MANSC4: variants seen among roughly 807,000 people sequenced by gnomAD.
MANSC4 encodes MANSC domain containing 4, also known as MANSC domain-containing protein 4.
Under a neutral mutation model 11.4 loss-of-function variants are expected in MANSC4, and 11 were observed. The observed-to-expected ratio is 0.97, with a 90% CI of 0.61 to 1.60. The LOEUF is 1.60. MANSC4 is among the 40% of genes most tolerant of loss of function. MANSC4 has a pLI of 0.00. For synonymous variants in MANSC4, 123 were observed against 147.1 expected, an observed-to-expected ratio of 0.84 and a Z score of 1.19; for missense variants, 354 against 404.6, an observed-to-expected ratio of 0.88 and a Z score of 1.07.
intron 2 of MANSC4, 120 bp from the exon 3 acceptor site, chr12:27,766,919 T>A: frequency 2.0e-6 from 2 of 999,310 alleles, no homozygotes; most frequent in South Asian, 1.7e-5. Context: ...TTCAGGGCAA[T>A]ATGCAGACAT....
intron 2 of MANSC4, 135 bp downstream of exon 2, chr12:27,770,913 C>G (rs1394128496): frequency 1.6e-6 from 1 of 638,476 alleles, no homozygotes; most frequent in African/African-American, 1.8e-5. Flanking sequence ...ACCTCTCCCT[C>G]TCTCTCCCAC....
chr12:27,765,153 G>T (rs973350953), intron 3 of MANSC4, among the ~76,000 whole-genome samples: 1 of 152,144 alleles, frequency 6.6e-6, no homozygotes, highest in African/African-American at 2.4e-5. Context: ...AGTGATTTTT[G>T]ACTCCACTCA....
intron 2 of MANSC4, among the ~76,000 whole-genome samples, chr12:27,767,972 G>A (rs2062080722): frequency 6.6e-6 from 1 of 152,206 alleles, no homozygotes; most frequent in Non-Finnish European, 1.5e-5. Context: ...ACATCCAAGG[G>A]AAAGCCTAAT....
chr12:27,770,953 A>C (rs1025067886), intron 2 of MANSC4, 95 bp downstream of exon 2: 1 of 885,392 alleles, frequency 1.1e-6, no homozygotes, highest in South Asian at 1.8e-5. Context: ...AGTTCTTTAC[A>C]ACTGTTTACT....
intron 1 of MANSC4, among the ~76,000 whole-genome samples, chr12:27,772,879 C>T (rs1335093943): frequency 6.6e-6 from 1 of 152,172 alleles, no homozygotes; most frequent in African/African-American, 2.4e-5. Context: ...ACTCTCTAAT[C>T]TTATAATCTT....
intron 1 of MANSC4, among the ~76,000 whole-genome samples, chr12:27,777,027 AT>A (rs2062121796): frequency 6.6e-6 from 1 of 152,200 alleles, no homozygotes; most frequent in African/African-American, 2.4e-5. Context: ...TATTAAAATG[AT>A]TTGATCATTT....
intron 2 of MANSC4, among the ~76,000 whole-genome samples, chr12:27,770,829 T>C (rs2140801967): frequency 6.6e-6 from 1 of 152,336 alleles, no homozygotes; most frequent in South Asian, 2.1e-4. Flanking sequence ...GCTATCAAAT[T>C]CTGGGTCATT....
In MANSC4 at chr12:27,771,330, G is replaced by T; in HGVS notation, c.-54C>A. On this transcript the variant is annotated 5_prime_UTR_variant, in exon 2 of 4. Coordinates refer to ENST00000381273, the MANE Select transcript of MANSC4 (RefSeq NM_001146221.5). ...TAAGTCTGATTTCCAGACAGAAGCT[G>T]AACACTGGAGTTTAGGACAGTCTCT... The T allele has an allele frequency of 1.4e-6, 2 of 1,457,516 alleles. No individual in the cohort carries two copies. The highest frequency in any genetic ancestry group is 2.6e-5 in the South Asian group (2 of 77,522). 90.3% of individuals were successfully genotyped at this position (1,457,516 alleles called of 1,614,324 possible).
intron 2 of MANSC4, among the ~76,000 whole-genome samples, chr12:27,770,259 C>A (rs1245226075): frequency 6.6e-6 from 1 of 152,138 alleles, no homozygotes; most frequent in East Asian, 1.9e-4. Context: ...CGGCTCACTG[C>A]AACCTCTGCC....
chr12:27,763,338 A>T lies in MANSC4; in HGVS notation c.423T>A (p.Ser141=). The change falls in exon 4 of 4, where the codon TCT becomes TCA. Residue 141 remains serine, a synonymous_variant. Transcript: ENST00000381273. Reference sequence around the variant, plus strand: ...TTAGTCTGTCCCATCTATTGGATGAAGAACGAGTATTTAGATATGTGGGAG... The same window carrying T: ...TTAGTCTGTCCCATCTATTGGATGATGAACGAGTATTTAGATATGTGGGAG... ...EQSPTYLNTR[S]SSNRWDRLRI... The T allele has an allele frequency of 1.3e-6, 2 of 1,551,896 alleles. No homozygotes were observed. The highest frequency in any genetic ancestry group is 1.2e-5 in the South Asian group (1 of 84,046).
chr12:27,762,558 C>T lies in MANSC4; in HGVS notation c.*180G>A, dbSNP rs2062051517. Among the ~76,000 whole-genome samples, 2 of 151,780 alleles carry T rather than the reference C, an allele frequency of 1.3e-5. No homozygotes were observed. Among genetic ancestry groups the T allele is most frequent in the Non-Finnish European group, 2.9e-5 (2 of 67,958 alleles). The stretch of plus-strand genomic sequence containing the variant: ...TAGAGACAGAGTCTCACTATGTTGC[C>T]CAGGCTGGTCTCGAACTCCTGGGCT... On this transcript the variant is annotated 3_prime_UTR_variant, in exon 4 of 4. Coordinates refer to ENST00000381273, the MANE Select transcript of MANSC4 (RefSeq NM_001146221.5).
rs551833224 is a variant in MANSC4 at position 27,772,953 on chromosome 12, G to A, written c.-306-1371C>T. 1.2e-4 allele frequency among the ~76,000 whole-genome samples: 19 copies of A among 152,248 alleles called. No individual in the cohort carries two copies. The East Asian group carries it at 1.7e-3, about 14-fold the overall frequency. On this transcript the variant is annotated intron_variant, in intron 1 of 3. Transcript: ENST00000381273. ...TGCTATATAATTCTTTGAAGTTCTC[G>A]TATTCCTTTCAGGGATAATGGAACA...
rs1287320111 is a variant in MANSC4, at chr12:27,771,075, T to G, written c.202A>C (p.Ser68Arg). ...YYSESTGQKC[S>R]RSCCLRKDVS... ...TCCTTCCGAAGACAGCAGCTCCTAC[T>G]GCACTTCTGGCCAGTGCTTTCAGAA... The change falls in exon 2 of 4, where the codon AGT becomes CGT. Residue 68 changes from serine to arginine, a missense_variant. Physicochemically the swap from Ser to Arg is moderately radical, Grantham distance 110. Coordinates refer to ENST00000381273, the MANE Select transcript of MANSC4 (RefSeq NM_001146221.5). 1 of 1,551,556 alleles carries G rather than the reference T, an allele frequency of 6.4e-7. No homozygotes were observed.
Position 27,763,174 on chromosome 12 carries a change from GT to G in MANSC4, c.586del (p.Thr196ProfsTer11), listed in dbSNP as rs753033633. 6.4e-7 allele frequency: 1 copy of G among 1,551,682 alleles called. No individual in the cohort carries two copies. Among genetic ancestry groups the G allele is most frequent in the South Asian group, 1.2e-5 (1 of 84,052 alleles). ...TNSTSYSKEL[T>X]TDFWARFTSL... ...AGTAAATCTTGCCCAAAAATCTGTG[GT>G]TAATTCCTTAGAATAACTGGTACTG... On this transcript the variant is annotated frameshift_variant, in exon 4 of 4. Coordinates refer to ENST00000381273, the MANE Select transcript of MANSC4 (RefSeq NM_001146221.5). LOFTEE classifies it low-confidence loss of function (END_TRUNC).
chr12:27,772,253 T>G (rs1441889221), intron 1 of MANSC4, among the ~76,000 whole-genome samples: 2 of 152,218 alleles, frequency 1.3e-5, no homozygotes, highest in Non-Finnish European at 2.9e-5. Context: ...ATAAAACTGT[T>G]GCTTTTTTGT....
chr12:27,778,241 T>G (rs1433100098), intron 1 of MANSC4, among the ~76,000 whole-genome samples: 1 of 136,740 alleles, frequency 7.3e-6, no homozygotes, highest in South Asian at 2.3e-4. Context: ...AAAAAAAAAA[T>G]GCATTTTTTT....
At position 27,780,027 on chromosome 12, in the gene MANSC4, G is replaced by C. The variant is rs1320582655; in HGVS notation, c.-307+183C>G. On this transcript the variant is annotated intron_variant, in intron 1 of 3. Coordinates refer to ENST00000381273, the MANE Select transcript of MANSC4 (RefSeq NM_001146221.5). This position sits in a 1 kb window ranked among gnomAD's most constrained non-coding sequence, Gnocchi z 8.8. ...CGGCGGGGGAGGAGGCTGCTGGCTG[G>C]GAGCTGGAATTCCCTTCCCGCCTGG... 1 of 154,064 alleles carries C rather than the reference G, an allele frequency of 6.5e-6. No individual in the cohort carries two copies. Among genetic ancestry groups the C allele is most frequent in the African/African-American group, 2.4e-5 (1 of 41,420 alleles). The allele number at this position is 154,064 out of a possible 1,614,324, so 9.5% of individuals were successfully genotyped here.
intron 1 of MANSC4, among the ~76,000 whole-genome samples, chr12:27,772,847 C>T (rs1049447789): frequency 2.6e-5 from 4 of 152,056 alleles, no homozygotes; most frequent in African/African-American, 9.7e-5. Context: ...AAAATGCCCT[C>T]GAGACATAAA....
intron 3 of MANSC4, 50 bp downstream of exon 3, chr12:27,766,615 C>G: frequency 6.5e-7 from 1 of 1,532,562 alleles, no homozygotes; most frequent in African/African-American, 1.4e-5. Context: ...TATGCCTCTA[C>G]TAGAATATCG....
Sources: allele counts gnomAD v4.1 joint callset (sites outside exome capture counted in the v4.1 genomes callset), GRCh38; gene constraint gnomAD v4.1.1; non-coding constraint Gnocchi (gnomAD v3.1); transcripts MANE v1.5; gene names NCBI Gene and HGNC (gene_info 2026-07-23, HGNC 2026-07-21).